The following WDR27 variants were observed in gnomAD, a reference collection of about 807,000 sequenced individuals.
WDR27 encodes WD repeat domain 27.
In WDR27, 100 loss-of-function variants were observed where a neutral mutation model predicts 114.4. The observed-to-expected ratio is 0.87, with a 90% CI of 0.74 to 1.03. The LOEUF is 1.03. Among genes scored for constraint, WDR27 ranks in the 50% least tolerant of loss-of-function variants. The pLI is 0.00. For missense variants in WDR27, 1,129 were observed against 1,092.9 expected (o/e 1.03, Z -0.47); for synonymous variants, 449 against 423.1 (o/e 1.06, Z -0.75).
At chr6:169,441,438 G>A in the WDR27 span, among the ~76,000 whole-genome samples, 1 of 152,206 alleles carries the variant, frequency 6.6e-6, no homozygotes, top group Non-Finnish European at 1.5e-5. Context: ...CAGACCAGCG[G>A]CAGGTGGGAA....
intron 8 of WDR27, among the ~76,000 whole-genome samples, chr6:169,662,928 G>A (rs111979295): frequency 0.059 from 8,605 of 145,850 alleles, no homozygotes; most frequent in East Asian, 0.16. Flanking sequence ...TGTGCACCGC[G>A]GAGCATTCAG....
rs1275931563 is a variant in WDR27, at chr6:169,633,031, T to A, written c.2139A>T (p.Glu713Asp). Residue 713 changes from glutamate (E) to aspartate (D), a missense_variant, in exon 21 of 26, where the codon GAA (glutamate) becomes GAT (aspartate). Physicochemically the swap from Glu to Asp is conservative, Grantham distance 45 (BLOSUM62 2). Coordinates refer to ENST00000448612, the MANE Select transcript of WDR27 (RefSeq NM_182552.5). ...VLAAGRNRTV[E>D]VFDLNAGCSA... ...TGCAGCCGGCGTTGAGGTCAAACAC[T>A]TCCACGGTCCTGTTCCGGCCAGCTG... 2.5e-6 allele frequency: 4 copies of A among 1,598,070 alleles called. No individual in the cohort carries two copies. Among genetic ancestry groups the A allele is most frequent in the Non-Finnish European group, 2.6e-6 (3 of 1,166,906 alleles).
chr6:169,674,140 C>G (rs1779486560), intron 2 of WDR27, among the ~76,000 whole-genome samples: 1 of 151,996 alleles, frequency 6.6e-6, no homozygotes, highest in Non-Finnish European at 1.5e-5. Flanking sequence ...ATCAGCTATA[C>G]TTTTTTTTCA....
rs6922086 is a variant in WDR27, at chr6:169,584,477, G to T, written c.2425-1543C>A. Among the ~76,000 whole-genome samples the T allele has an allele frequency of 9.4e-3, 1,437 of 152,248 alleles. 23 individuals carry two copies. Among genetic ancestry groups the T allele is most frequent in the African/African-American group, 0.032 (1,336 of 41,536 alleles). On this transcript the variant is annotated intron_variant, in intron 23 of 25. Transcript: ENST00000448612. ...GTCATACTATAGTTCTACTGTCACT[G>T]TTCTCTATACTGTTTTCCAGATGGC...
chr6:169,565,430 A>G (rs1800309460), intron 25 of WDR27, among the ~76,000 whole-genome samples: 1 of 152,146 alleles, frequency 6.6e-6, no homozygotes, highest in African/African-American at 2.4e-5. Context: ...GATCCATTTA[A>G]TATTTCAAAG....
chr6:169,548,538 G>C (rs970721530), intron 25 of WDR27, among the ~76,000 whole-genome samples: 1 of 152,092 alleles, frequency 6.6e-6, no homozygotes, highest in South Asian at 2.1e-4. Context: ...AAAAGCAAAA[G>C]ACCTTTCATA....
At chr6:169,608,312 T>A (rs1371188239) in intron 22 of WDR27, among the ~76,000 whole-genome samples, 2 of 152,152 alleles carry the variant, frequency 1.3e-5, no homozygotes, top group African/African-American at 4.8e-5. Flanking sequence ...ATTGTAAAGA[T>A]ATGGAACCAA....
At chr6:169,678,195 A>T (rs1780559905) in intron 2 of WDR27, among the ~76,000 whole-genome samples, 1 of 152,220 alleles carries the variant, frequency 6.6e-6, no homozygotes, top group African/African-American at 2.4e-5. Flanking sequence ...AGCCGTAGGC[A>T]CTCAGCAACC....
intron 25 of WDR27, among the ~76,000 whole-genome samples, chr6:169,567,558 C>T (rs141191687): frequency 8.5e-5 from 13 of 152,264 alleles, no homozygotes; most frequent in African/African-American, 2.9e-4. Context: ...CAGGCGCAGA[C>T]GCTCTAGTGC....
intron 25 of WDR27, among the ~76,000 whole-genome samples, chr6:169,462,063 C>T (rs1784973937): frequency 6.6e-6 from 1 of 151,058 alleles, no homozygotes; most frequent in African/African-American, 2.4e-5. Flanking sequence ...CCCAGAATCA[C>T]AAAACTTACC....
At chr6:169,459,902 G>A (rs1784717037) in intron 25 of WDR27, among the ~76,000 whole-genome samples, 1 of 152,102 alleles carries the variant, frequency 6.6e-6, no homozygotes, top group African/African-American at 2.4e-5. Context: ...GACATTCCCA[G>A]ATAAATGAAG....
intron 23 of WDR27, among the ~76,000 whole-genome samples, chr6:169,589,479 AAC>A (rs1402471524): frequency 6.6e-6 from 1 of 152,188 alleles, no homozygotes; most frequent in East Asian, 1.9e-4. Flanking sequence ...GAAACCTCAA[AAC>A]ACACACTGAA....
chr6:169,624,201 G>A (rs1814165701), intron 21 of WDR27, among the ~76,000 whole-genome samples: 1 of 150,644 alleles, frequency 6.6e-6, no homozygotes, highest in African/African-American at 2.5e-5. Context: ...CAGGTGTGCG[G>A]CATGTGGCAG....
chr6:169,698,341 G>A (rs1786816757), intron 1 of WDR27, among the ~76,000 whole-genome samples: 1 of 151,984 alleles, frequency 6.6e-6, no homozygotes, highest in Admixed American at 6.6e-5. Flanking sequence ...CTGCTCCATG[G>A]CAGGGTGGTA....
intron 13 of WDR27, among the ~76,000 whole-genome samples, chr6:169,657,229 G>C (rs1584955205): frequency 6.6e-6 from 1 of 152,234 alleles, no homozygotes; most frequent in Non-Finnish European, 1.5e-5. Context: ...AGGCGGGTCA[G>C]AACCACACAG....
intron 25 of WDR27, among the ~76,000 whole-genome samples, chr6:169,459,560 T>A (rs1784676642): frequency 6.6e-6 from 1 of 151,430 alleles, no homozygotes; most frequent in Non-Finnish European, 1.5e-5. Context: ...TATATGTATA[T>A]AAATGTATAC....
intron 25 of WDR27, among the ~76,000 whole-genome samples, chr6:169,502,063 C>T (rs1431263345): frequency 6.6e-6 from 1 of 152,172 alleles, no homozygotes; most frequent in Non-Finnish European, 1.5e-5. Context: ...GCCGCACGCA[C>T]CACCTCCCCC....
At chr6:169,649,127 A>G (rs1821575197) in intron 15 of WDR27, 71 bp downstream of exon 15, 2 of 1,308,234 alleles carry the variant, frequency 1.5e-6, no homozygotes, top group Non-Finnish European at 2.2e-6. Context: ...TGTTTGGAAA[A>G]GAACCAGTTA....
chr6:169,615,684 G>A (rs1332424910), intron 21 of WDR27, among the ~76,000 whole-genome samples: 1 of 152,122 alleles, frequency 6.6e-6, no homozygotes, highest in Non-Finnish European at 1.5e-5. Context: ...AACCGTGGAA[G>A]ATAACCTAGG....
Sources: allele counts gnomAD v4.1 joint callset (sites outside exome capture counted in the v4.1 genomes callset), GRCh38; gene constraint gnomAD v4.1.1; transcripts MANE v1.5; gene names NCBI Gene and HGNC (gene_info 2026-07-23, HGNC 2026-07-21).